CHST11: variants seen among roughly 807,000 people sequenced by gnomAD.
The protein encoded by CHST11 is C4S-1.
Under a neutral mutation model 30.4 loss-of-function variants are expected in CHST11, and 9 were observed. The observed-to-expected ratio is 0.30, with a 90% confidence interval of 0.18 to 0.52. The LOEUF (loss-of-function observed/expected upper bound fraction) is 0.52. CHST11 is among the 20% of genes least tolerant of loss of function. The pLI is 0.97. For missense variants in CHST11, 348 were observed against 460.6 expected, an observed-to-expected ratio of 0.76 and a Z score of 2.24; for synonymous variants, 152 against 187.8, an observed-to-expected ratio of 0.81 and a Z score of 1.56.
chr12:104,720,424 C>A (rs1024645111), intron 2 of CHST11, among the ~76,000 whole-genome samples: 1 of 152,236 alleles, frequency 6.6e-6, no homozygotes, highest in Non-Finnish European at 1.5e-5. Flanking sequence ...CTGAGGGCTG[C>A]GTGCAGCCTC....
intron 2 of CHST11, among the ~76,000 whole-genome samples, chr12:104,653,544 A>G (rs1030544624): frequency 6.6e-6 from 1 of 152,208 alleles, no homozygotes; most frequent in Admixed American, 6.5e-5. Context: ...CTGAGAGGAA[A>G]GAAAACAAAC....
chr12:104,593,083 A>C (rs1021826949), intron 1 of CHST11, among the ~76,000 whole-genome samples: 1 of 152,248 alleles, frequency 6.6e-6, no homozygotes, highest in African/African-American at 2.4e-5. Flanking sequence ...TATACCAAGC[A>C]CATTCACGTA....
At chr12:104,531,356 G>A (rs1489733560) in intron 1 of CHST11, among the ~76,000 whole-genome samples, 1 of 151,730 alleles carries the variant, frequency 6.6e-6, no homozygotes, top group Non-Finnish European at 1.5e-5. Context: ...CAGGTGTTGT[G>A]GTCCATGCCG....
At chr12:104,470,516 G>C (rs1388403234) in intron 1 of CHST11, among the ~76,000 whole-genome samples, 1 of 152,132 alleles carries the variant, frequency 6.6e-6, no homozygotes, top group Non-Finnish European at 1.5e-5. Context: ...TGCAATTCAA[G>C]GTGAGATTTG....
chr12:104,730,591 C>G (rs1192596596), intron 2 of CHST11, among the ~76,000 whole-genome samples: 1 of 152,016 alleles, frequency 6.6e-6, no homozygotes, highest in African/African-American at 2.4e-5. Flanking sequence ...CGTGGCTGGC[C>G]CAGCGACGGG....
At chr12:104,488,740 CGTGTGTGTGTGT>C (rs56383997) in intron 1 of CHST11, among the ~76,000 whole-genome samples, 2,512 of 145,854 alleles carry the variant, frequency 0.017, 73 homozygotes, top group African/African-American at 0.06. Flanking sequence ...TATGTGTACG[CGTGTGTGTGTGT>C]GTGTGTGTGT....
intron 1 of CHST11, among the ~76,000 whole-genome samples, chr12:104,536,832 G>GGCTCTTTCATCTTTCTA (rs2038241479): frequency 6.6e-6 from 1 of 152,252 alleles, no homozygotes; most frequent in East Asian, 1.9e-4. Context: ...TCCCTGTCCA[G>GGCTCTTTCATCTTTCTA]TTCATCTTTC....
intron 2 of CHST11, among the ~76,000 whole-genome samples, chr12:104,708,728 A>G (rs1381684259): frequency 6.6e-6 from 1 of 152,142 alleles, no homozygotes; most frequent in Non-Finnish European, 1.5e-5. Flanking sequence ...AGTCTGGGCC[A>G]TGTAGAGACA....
chr12:104,692,917 C>T (rs1175495107), intron 2 of CHST11, among the ~76,000 whole-genome samples: 1 of 130,364 alleles, frequency 7.7e-6, no homozygotes, highest in African/African-American at 2.9e-5. Flanking sequence ...TTCCATGAAA[C>T]CAGTCCCTGG....
chr12:104,711,413 A>G (rs1315525332), intron 2 of CHST11, among the ~76,000 whole-genome samples: 1 of 152,226 alleles, frequency 6.6e-6, no homozygotes, highest in Non-Finnish European at 1.5e-5. Flanking sequence ...GATGGTAGGA[A>G]ATAGAATTAG....
At chr12:104,598,851 C>T (rs1179467419) in intron 1 of CHST11, among the ~76,000 whole-genome samples, 1 of 150,674 alleles carries the variant, frequency 6.6e-6, no homozygotes, top group Admixed American at 6.6e-5. Flanking sequence ...TGGGCCTTGA[C>T]TCAGTGGTCT....
intron 2 of CHST11, among the ~76,000 whole-genome samples, chr12:104,706,376 T>G (rs1158572333): frequency 8.4e-6 from 1 of 119,438 alleles, no homozygotes; most frequent in Non-Finnish European, 1.6e-5. Context: ...AGAATGAGAC[T>G]GTCTCAAAAA....
At chr12:104,573,691 C>G (rs1258111802) in intron 1 of CHST11, among the ~76,000 whole-genome samples, 2 of 152,172 alleles carry the variant, frequency 1.3e-5, no homozygotes, top group Non-Finnish European at 2.9e-5. Flanking sequence ...CTTCCTTACA[C>G]CTTATACAAA....
At chr12:104,687,061 A>G (rs533710097) in intron 2 of CHST11, among the ~76,000 whole-genome samples, 9 of 152,256 alleles carry the variant, frequency 5.9e-5, no homozygotes, top group Non-Finnish European at 1.0e-4. Flanking sequence ...GCCAAGGCTC[A>G]TGGTCCTTCT....
intron 2 of CHST11, among the ~76,000 whole-genome samples, chr12:104,660,864 G>A (rs1193946902): frequency 6.6e-6 from 1 of 152,188 alleles, no homozygotes; most frequent in Non-Finnish European, 1.5e-5. Flanking sequence ...TATAGTTAAA[G>A]GATGCTGGAG....
intron 2 of CHST11, among the ~76,000 whole-genome samples, chr12:104,697,652 C>T (rs1006767724): frequency 6.6e-6 from 1 of 152,158 alleles, no homozygotes; most frequent in Non-Finnish European, 1.5e-5. Flanking sequence ...CCCTAACACA[C>T]AGATGTTTTG....
chr12:104,707,403 AAAAAT>A (rs1206471423), intron 2 of CHST11, among the ~76,000 whole-genome samples: 1 of 152,214 alleles, frequency 6.6e-6, no homozygotes, highest in Non-Finnish European at 1.5e-5. Flanking sequence ...GTGAAATAGA[AAAAAT>A]AAAAAATAGC....
In CHST11 at chr12:104,657,864, G is replaced by C. The variant is rs551974688; in HGVS notation, c.204+55873G>C. 2.6e-5 allele frequency among the ~76,000 whole-genome samples: 4 copies of C among 152,262 alleles called. No individual in the cohort carries two copies. The East Asian group carries it at 7.7e-4, about 29-fold the overall frequency. ...CTCAATAAGCATCTGTGTCTGCCTT[G>C]GCTCAAGCTGGAGCAGGGTGTCCAA... is the stretch of plus-strand genomic sequence containing the variant. On this transcript the variant is annotated intron_variant, in intron 2 of 2. Coordinates refer to ENST00000303694, the MANE Select transcript of CHST11 (RefSeq NM_018413.6).
intron 1 of CHST11, among the ~76,000 whole-genome samples, chr12:104,472,390 T>TAC (rs111810878): frequency 0.03 from 4,457 of 149,824 alleles, 75 homozygotes; most frequent in Non-Finnish European, 0.03. Flanking sequence ...CAAAGTTTTA[T>TAC]ACACACACAC....
Sources: allele counts gnomAD v4.1 joint callset (sites outside exome capture counted in the v4.1 genomes callset), GRCh38; gene constraint gnomAD v4.1.1; transcripts MANE v1.5; gene names NCBI Gene and HGNC (gene_info 2026-07-23, HGNC 2026-07-21).